Variants in NDRG3 observed in about 807,000 individuals in gnomAD.
NDRG3 encodes the protein protein NDRG3.
Under a neutral mutation model 57.2 loss-of-function variants are expected in NDRG3, and 23 were observed. The ratio of observed to expected loss-of-function variants is 0.40; its 90% confidence interval spans 0.29 to 0.57. The LOEUF (loss-of-function observed/expected upper bound fraction) is 0.57, where lower values mean the gene tolerates loss of function less well. Among genes scored for constraint, NDRG3 ranks in the 20% least tolerant of loss-of-function variants. NDRG3 has a pLI of 0.42. For missense variants in NDRG3, 384 were observed against 457.3 expected (o/e 0.84, Z 1.46); for synonymous variants, 132 against 162.6 (o/e 0.81, Z 1.43).
intron 1 of NDRG3, among the ~76,000 whole-genome samples, chr20:36,738,921 C>A (rs1015930886): frequency 7.2e-6 from 1 of 138,930 alleles, no homozygotes; most frequent in African/African-American, 2.7e-5. Context: ...GTCAGGAGTT[C>A]AAGACCAGTC....
intron 3 of NDRG3, among the ~76,000 whole-genome samples, chr20:36,706,568 G>A (rs998464861): frequency 6.6e-6 from 1 of 152,080 alleles, no homozygotes; most frequent in African/African-American, 2.4e-5. Context: ...GCAGTAGCAC[G>A]ATCTCGGCTC....
chr20:36,661,694 A>G (rs1410006039), intron 12 of NDRG3, among the ~76,000 whole-genome samples: 1 of 152,182 alleles, frequency 6.6e-6, no homozygotes, highest in Non-Finnish European at 1.5e-5. Flanking sequence ...CACAGGCTGG[A>G]GCTGACTGTG....
intron 3 of NDRG3, among the ~76,000 whole-genome samples, chr20:36,704,367 A>T (rs1041969003): frequency 1.3e-5 from 2 of 152,052 alleles, no homozygotes; most frequent in Admixed American, 6.6e-5. Flanking sequence ...TAGCCACCGC[A>T]CCCCACTATA....
chr20:36,739,132 C>CT (rs1316091474), intron 1 of NDRG3, among the ~76,000 whole-genome samples: 4,173 of 50,908 alleles, frequency 0.082, 1,628 homozygotes, highest in East Asian at 0.096. Flanking sequence ...GAGACCCCAT[C>CT]TCAAAAAAAA....
chr20:36,689,188 G>A (rs556139501), intron 3 of NDRG3, among the ~76,000 whole-genome samples: 7 of 152,168 alleles, frequency 4.6e-5, no homozygotes, highest in African/African-American at 1.2e-4. Flanking sequence ...GCAAGACTTC[G>A]TCTCAAAAAA....
At chr20:36,744,757 C>T (rs530268842) in intron 1 of NDRG3, among the ~76,000 whole-genome samples, 1 of 152,224 alleles carries the variant, frequency 6.6e-6, no homozygotes, top group Non-Finnish European at 1.5e-5. Flanking sequence ...TTCTCTTTCT[C>T]TTCTTGCTTT....
intron 3 of NDRG3, among the ~76,000 whole-genome samples, chr20:36,692,611 GTCTACCCTACAGAAAT>G (rs1982359867): frequency 6.6e-6 from 1 of 152,142 alleles, no homozygotes; most frequent in African/African-American, 2.4e-5. Context: ...GTTAAGAGGT[GTCTACCCTACAGAAAT>G]TTTACCCTAC....
Position 36,652,187 on chromosome 20 carries a change from TG to T in NDRG3, c.*1332del, listed in dbSNP as rs1277337578. 1.3e-5 allele frequency: 2 copies of T among 152,018 alleles called. No individual in the cohort carries two copies. The highest frequency in any genetic ancestry group is 2.9e-5 in the Non-Finnish European group (2 of 68,010). 9.4% of individuals were successfully genotyped at this position (152,018 alleles called of 1,614,324 possible). ...CAGCACTTTGGGAGGCTGAGGCAGG[TG>T]GATCACCTGAGGTCAGGAGTTTGAG... On this transcript the variant is annotated 3_prime_UTR_variant, in exon 16 of 16. Transcript: ENST00000349004.
At chr20:36,731,589 C>CA (rs748453521) in intron 1 of NDRG3, among the ~76,000 whole-genome samples, 3 of 151,436 alleles carry the variant, frequency 2.0e-5, no homozygotes, top group Non-Finnish European at 2.9e-5. Context: ...GAGTGGATCA[C>CA]AAGGTCAGGA....
intron 1 of NDRG3, among the ~76,000 whole-genome samples, chr20:36,731,032 TTA>T (rs1409436697): frequency 6.6e-6 from 1 of 151,372 alleles, no homozygotes; most frequent in East Asian, 1.9e-4. Flanking sequence ...GATAAAAGAA[TTA>T]TGGAACAATG....
chr20:36,733,496 G>A (rs538856754), intron 1 of NDRG3, among the ~76,000 whole-genome samples: 3 of 151,188 alleles, frequency 2.0e-5, no homozygotes, highest in African/African-American at 7.3e-5. Flanking sequence ...AGGCCAAGGC[G>A]GGCGGATCAC....
intron 4 of NDRG3, among the ~76,000 whole-genome samples, chr20:36,688,374 TA>T (rs1404246997): frequency 6.7e-6 from 1 of 150,074 alleles, no homozygotes. Context: ...GAAACATATT[TA>T]AAAAAAAAAA....
intron 3 of NDRG3, among the ~76,000 whole-genome samples, chr20:36,693,254 T>G (rs1982493574): frequency 6.8e-6 from 1 of 146,414 alleles, no homozygotes; most frequent in Non-Finnish European, 1.5e-5. Context: ...ATATATATTC[T>G]AAATAAACTA....
chr20:36,732,098 G>C (rs1359829904), intron 1 of NDRG3, among the ~76,000 whole-genome samples: 3 of 141,942 alleles, frequency 2.1e-5, no homozygotes, highest in African/African-American at 7.3e-5. Context: ...TCCAGCCTGG[G>C]CAACAGAGTG....
intron 15 of NDRG3, among the ~76,000 whole-genome samples, chr20:36,656,132 CA>C (rs1180409064): frequency 0.073 from 3,604 of 49,256 alleles, 45 homozygotes; most frequent in African/African-American, 0.15. Context: ...GACTCTGTCT[CA>C]AAAAAAAAAA....
At chr20:36,662,204 A>G (rs1006863519) in intron 12 of NDRG3, among the ~76,000 whole-genome samples, 1 of 151,758 alleles carries the variant, frequency 6.6e-6, no homozygotes, top group Admixed American at 6.6e-5. Context: ...CTAGTAGAAC[A>G]ACCACAATCA....
In NDRG3 at chr20:36,688,709, T is replaced by C; in HGVS notation, c.169A>G (p.Ile57Val). The C allele has an allele frequency of 9.3e-6, 15 of 1,613,758 alleles. No individual in the cohort carries two copies. Among genetic ancestry groups the C allele is most frequent in the Non-Finnish European group, 1.3e-5 (15 of 1,179,604 alleles). ...RGLPKGNRPV[I>V]LTYHDIGLNH... The stretch of plus-strand genomic sequence containing the variant: ...AGGCCAATGTCATGATATGTTAGTA[T>C]AACTGGTCTGTTTCCTTTGGGTAAG... The change falls in exon 4 of 16, where the codon ATA becomes GTA. Residue 57 changes from isoleucine (I) to valine (V), a missense_variant. By Grantham distance (29) the Ile-to-Val change is conservative. Transcript: ENST00000349004.
At chr20:36,703,312 A>G (rs1983353898) in intron 3 of NDRG3, among the ~76,000 whole-genome samples, 1 of 151,958 alleles carries the variant, frequency 6.6e-6, no homozygotes, top group Non-Finnish European at 1.5e-5. Context: ...ATATATCTAT[A>G]TAGTTTACAT....
chr20:36,655,626 T>C (rs1032890382), intron 15 of NDRG3, among the ~76,000 whole-genome samples: 1 of 152,208 alleles, frequency 6.6e-6, no homozygotes, highest in African/African-American at 2.4e-5. Flanking sequence ...CAGGAGTTAT[T>C]AACCAGCTGA....
Sources: allele counts gnomAD v4.1 joint callset (sites outside exome capture counted in the v4.1 genomes callset), GRCh38; gene constraint gnomAD v4.1.1; transcripts MANE v1.5; gene names NCBI Gene and HGNC (gene_info 2026-07-23, HGNC 2026-07-21).